Variants in ASTN2 observed in about 807,000 individuals in gnomAD.
The protein encoded by ASTN2 is astrotactin 2.
A neutral mutation model predicts 139.8 loss-of-function variants in ASTN2; 54 were observed. That is an observed-to-expected ratio of 0.39 (90% CI 0.31 to 0.48). ASTN2 has a LOEUF of 0.48. Ranked by LOEUF, ASTN2 falls within the 20% of genes least tolerant of loss-of-function variation. ASTN2 has a pLI of 0.95. For missense variants in ASTN2, 1,565 were observed against 1,725.1 expected (o/e 0.91, Z 1.64); for synonymous variants, 756 against 719.5 (o/e 1.05, Z -0.81).
intron 10 of ASTN2, among the ~76,000 whole-genome samples, chr9:116,879,690 G>T (rs992810974): frequency 2.0e-4 from 30 of 152,190 alleles, no homozygotes; most frequent in Non-Finnish European, 3.1e-4. Context: ...TCGGACAAAT[G>T]AATGAATAAA....
Position 116,976,431 on chromosome 9 carries a change from C to G in ASTN2, c.1677-243G>C, listed in dbSNP as rs143024334. On this transcript the variant is annotated intron_variant, in intron 8 of 22. Transcript: ENST00000313400. ...TGTTCTTCTTTTCTTTGGCAGTCCA[C>G]TTAAGAAAGTGTTCATTGATTACTT... Among the ~76,000 whole-genome samples the G allele has an allele frequency of 4.8e-3, 729 of 152,346 alleles. 2 individuals are homozygous for G. The highest frequency in any genetic ancestry group is 6.8e-3 in the Non-Finnish European group (466 of 68,030).
chr9:117,346,863 G>T (rs956356501), intron 1 of ASTN2, among the ~76,000 whole-genome samples: 9 of 152,014 alleles, frequency 5.9e-5, no homozygotes, highest in African/African-American at 2.2e-4. Context: ...GCAAAATGGG[G>T]GCCCTAATAC....
At chr9:117,312,412 C>T (rs762923529) in intron 1 of ASTN2, among the ~76,000 whole-genome samples, 12 of 152,252 alleles carry the variant, frequency 7.9e-5, no homozygotes, top group South Asian at 2.1e-4. Context: ...AAATCCCAGG[C>T]GGACTGTTAG....
intron 4 of ASTN2, among the ~76,000 whole-genome samples, chr9:117,115,609 C>T (rs1444524131): frequency 6.6e-6 from 1 of 152,098 alleles, no homozygotes; most frequent in Admixed American, 6.6e-5. Flanking sequence ...ATATTGGAAA[C>T]CTTGGACAAC....
intron 2 of ASTN2, among the ~76,000 whole-genome samples, chr9:117,224,359 G>A (rs138134146): frequency 6.4e-4 from 98 of 152,280 alleles, no homozygotes; most frequent in African/African-American, 2.1e-3. Flanking sequence ...CTTGCAAGTA[G>A]TGGATCTTTA....
chr9:116,641,899 G>C (rs965788066), intron 17 of ASTN2, among the ~76,000 whole-genome samples: 2 of 151,624 alleles, frequency 1.3e-5, no homozygotes, highest in Non-Finnish European at 1.5e-5. Flanking sequence ...ATTCTTGGCC[G>C]GTTCACCTCC....
chr9:117,312,953 A>G (rs1828023608), intron 1 of ASTN2, among the ~76,000 whole-genome samples: 1 of 152,148 alleles, frequency 6.6e-6, no homozygotes, highest in Non-Finnish European at 1.5e-5. Context: ...CTCACTCCCA[A>G]ATGAAAATTT....
intron 3 of ASTN2, among the ~76,000 whole-genome samples, chr9:117,176,487 G>A (rs150008331): frequency 7.4e-4 from 113 of 152,112 alleles, no homozygotes; most frequent in Admixed American, 1.4e-3. Flanking sequence ...TAGAATATAT[G>A]TAATTATATT....
intron 19 of ASTN2, among the ~76,000 whole-genome samples, chr9:116,574,995 G>A (rs984510657): frequency 2.0e-5 from 3 of 152,088 alleles, no homozygotes; most frequent in Non-Finnish European, 4.4e-5. Context: ...CATTTGTCTT[G>A]GTGTCTCTTG....
chr9:116,938,175 T>C (rs1013015909), intron 10 of ASTN2, among the ~76,000 whole-genome samples: 22 of 152,196 alleles, frequency 1.4e-4, no homozygotes, highest in Non-Finnish European at 1.5e-5. Flanking sequence ...TGTACTGTAA[T>C]ACACTAGAAT....
intron 22 of ASTN2, among the ~76,000 whole-genome samples, chr9:116,430,415 G>C (rs749774493): frequency 1.3e-5 from 2 of 152,174 alleles, no homozygotes; most frequent in Non-Finnish European, 2.9e-5. Flanking sequence ...TGTGGTTCAT[G>C]AGCAAATTAT....
chr9:116,587,417 T>G (rs1421287906), intron 19 of ASTN2, among the ~76,000 whole-genome samples: 3 of 151,264 alleles, frequency 2.0e-5, no homozygotes, highest in African/African-American at 7.3e-5. Context: ...AGAGACCCAT[T>G]CTTTGATGTG....
At chr9:116,651,292 A>G (rs1564182728) in intron 17 of ASTN2, among the ~76,000 whole-genome samples, 1 of 152,170 alleles carries the variant, frequency 6.6e-6, no homozygotes, top group African/African-American at 2.4e-5. Flanking sequence ...CAAACAAACA[A>G]AAACCTTGAT....
At chr9:116,626,241 A>C (rs1173513640) in intron 17 of ASTN2, among the ~76,000 whole-genome samples, 1 of 133,830 alleles carries the variant, frequency 7.5e-6, no homozygotes, top group Non-Finnish European at 1.5e-5. Flanking sequence ...CCTGATCTCA[A>C]GTGATCTGCC....
At chr9:116,815,303 A>T (rs563670977) in intron 12 of ASTN2, among the ~76,000 whole-genome samples, 12 of 152,336 alleles carry the variant, frequency 7.9e-5, no homozygotes, top group Non-Finnish European at 1.2e-4. Flanking sequence ...AGAGAATATT[A>T]GACAGAGAGG....
intron 7 of ASTN2, among the ~76,000 whole-genome samples, chr9:116,980,100 T>G (rs1836467701): frequency 6.6e-6 from 1 of 152,116 alleles, no homozygotes; most frequent in South Asian, 2.1e-4. Flanking sequence ...AGCCCCCGAG[T>G]GCTAGCAGCA....
intron 10 of ASTN2, among the ~76,000 whole-genome samples, chr9:116,930,908 CATT>C (rs1834878290): frequency 6.6e-6 from 1 of 152,070 alleles, no homozygotes; most frequent in East Asian, 1.9e-4. Flanking sequence ...TTCGGAAACT[CATT>C]ATCTTCTCCC....
intron 10 of ASTN2, among the ~76,000 whole-genome samples, chr9:116,933,755 C>A (rs1334096078): frequency 6.6e-6 from 1 of 151,944 alleles, no homozygotes; most frequent in African/African-American, 2.4e-5. Context: ...TGAGTCTGTA[C>A]AGGATGCTAC....
chr9:116,666,392 T>C (rs1047748918), intron 16 of ASTN2, among the ~76,000 whole-genome samples: 2 of 152,208 alleles, frequency 1.3e-5, no homozygotes, highest in African/African-American at 4.8e-5. Flanking sequence ...CCTTAAATTA[T>C]GAATGCCATT....
Sources: allele counts gnomAD v4.1 joint callset (sites outside exome capture counted in the v4.1 genomes callset), GRCh38; gene constraint gnomAD v4.1.1; transcripts MANE v1.5; gene names NCBI Gene and HGNC (gene_info 2026-07-23, HGNC 2026-07-21).